STARD9: variants seen among roughly 807,000 people sequenced by gnomAD.
The protein encoded by STARD9 is stAR-related lipid transfer protein 9.
STARD9 carries 346 observed loss-of-function variants against 399.8 expected under a neutral mutation model. That is an observed-to-expected ratio of 0.87 (90% CI 0.79 to 0.95). The LOEUF (loss-of-function observed/expected upper bound fraction) is 0.95. Among genes scored for constraint, STARD9 ranks in the 40% least tolerant of loss-of-function variants. STARD9 has a pLI of 0.00. For synonymous variants in STARD9, 2,203 were observed against 2,143.5 expected (o/e 1.03, Z -0.77); for missense variants, 5,832 against 5,667.5 (o/e 1.03, Z -0.93).
chr15:42,669,448 C>G (rs1020854815), intron 16 of STARD9, 111 bp downstream of exon 16: 2 of 995,814 alleles, frequency 2.0e-6, no homozygotes, highest in Non-Finnish European at 2.8e-6. Context: ...AAGACAGATG[C>G]TACAGAGCTG....
At chr15:42,694,405 G>A in intron 23 of STARD9, 63 bp downstream of exon 23, 2 of 1,532,258 alleles carry the variant, frequency 1.3e-6, no homozygotes, top group Non-Finnish European at 1.7e-6. Flanking sequence ...GAGAACCCAA[G>A]AAAGCTAATA....
At chr15:42,635,574 C>T (rs1033524955) in intron 4 of STARD9, among the ~76,000 whole-genome samples, 3 of 152,034 alleles carry the variant, frequency 2.0e-5, no homozygotes, top group Admixed American at 6.6e-5. Flanking sequence ...CGTGATCTGC[C>T]CGCCTCGGCC....
chr15:42,643,517 A>G (rs565233720), intron 7 of STARD9, among the ~76,000 whole-genome samples: 1 of 151,956 alleles, frequency 6.6e-6, no homozygotes, highest in Admixed American at 6.6e-5. Flanking sequence ...TTAAAAAAAA[A>G]CAGAGTCTCG....
chr15:42,664,197 C>T (rs1016937713), intron 13 of STARD9, among the ~76,000 whole-genome samples: 1 of 152,078 alleles, frequency 6.6e-6, no homozygotes, highest in African/African-American at 2.4e-5. Flanking sequence ...TAAGAAAGGT[C>T]ATTTATTTTT....
Position 42,684,844 on chromosome 15 carries a change from T to C in STARD9, c.3266T>C (p.Val1089Ala). ...GTCCCACTCACAGATTTCAGCCCAG[T>C]AATGGATCATTCAAGAGAAAAAGAC... ...TMVPLTDFSP[V>A]MDHSREKDND... The change falls in exon 23 of 33, where the codon GTA (valine) becomes GCA (alanine). Residue 1089 changes from valine (V) to alanine (A), a missense_variant. Transcript: ENST00000290607. 12 of 1,537,142 alleles carry C rather than the reference T, an allele frequency of 7.8e-6. No homozygotes were observed. Among genetic ancestry groups the C allele is most frequent in the Non-Finnish European group, 1.0e-5 (12 of 1,146,910 alleles).
At chr15:42,588,776 G>GTTTTTTTTTTTTTTTTTT (rs758570571) in intron 3 of STARD9, among the ~76,000 whole-genome samples, 1 of 38,414 alleles carries the variant, frequency 2.6e-5, no homozygotes, top group African/African-American at 1.2e-4. Context: ...TCTTCACAGC[G>GTTTTTTTTTTTTTTTTTT]TTTTTTTTTT....
chr15:42,583,462 A>G, intron 2 of STARD9, 47 bp downstream of exon 2: 1 of 1,383,322 alleles, frequency 7.2e-7, no homozygotes, highest in Admixed American at 2.0e-5. Context: ...AGGAGCTAAT[A>G]TTGTTACAGG....
At chr15:42,634,441 G>C (rs1273461210) in intron 3 of STARD9, among the ~76,000 whole-genome samples, 6 of 152,148 alleles carry the variant, frequency 3.9e-5, no homozygotes, top group African/African-American at 9.7e-5. Flanking sequence ...TCTTCAGTAT[G>C]GTATCCTAAG....
At position 42,692,195 on chromosome 15, in the gene STARD9, A is replaced by T; in HGVS notation, c.10617A>T (p.Ser3539=). 1 of 1,537,084 alleles carries T rather than the reference A, an allele frequency of 6.5e-7. No individual in the cohort carries two copies. Among genetic ancestry groups the T allele is most frequent in the Non-Finnish European group, 8.7e-7 (1 of 1,146,902 alleles). Residue 3539 remains serine, a synonymous_variant, in exon 23 of 33, where the codon TCA becomes TCT. Coordinates refer to ENST00000290607, the MANE Select transcript of STARD9 (RefSeq NM_020759.3). ...LSTYANICDL[S]TTHSSTENAQ... is the part of the protein sequence containing the mutation. ...CTTACGCCAATATTTGTGATCTGTC[A>T]ACCACACACAGCAGCACTGAGAATG... is the stretch of plus-strand genomic sequence containing the variant.
rs536329199 is a variant in STARD9 at position 42,699,381 on chromosome 15, T to C, written c.13284+3501T>C. On this transcript the variant is annotated intron_variant, in intron 26 of 32. Transcript: ENST00000290607. The stretch of plus-strand genomic sequence containing the variant: ...TGCTTTCTTCTTCTATGAGATCAAC[T>C]TTTTTCTTTTCTTTTTTTTTTTTTT... Among the ~76,000 whole-genome samples the C allele has an allele frequency of 2.7e-3, 397 of 148,478 alleles. 2 individuals carry two copies. Among genetic ancestry groups the C allele is most frequent in the African/African-American group, 9.7e-3 (379 of 38,882 alleles).
intron 3 of STARD9, among the ~76,000 whole-genome samples, chr15:42,628,099 A>G (rs951517405): frequency 9.2e-5 from 14 of 152,160 alleles, no homozygotes; most frequent in East Asian, 5.8e-4. Flanking sequence ...AGCATTCATT[A>G]TTGCCTGTCT....
In STARD9 at chr15:42,695,235, A is replaced by C; in HGVS notation, c.13058A>C (p.Glu4353Ala). The part of the protein sequence containing the change: ...YQQAHEEAKV[E>A]IARARDQLRE... ...CAGGCCCATGAGGAGGCCAAGGTGG[A>C]GATTGCCCGGGCCCGAGACCAACTG... Residue 4353 changes from glutamate (E) to alanine (A), a missense_variant, in exon 25 of 33, where the codon GAG becomes GCG. Physicochemically the swap from Glu to Ala is moderately radical, Grantham distance 107. This residue lies in a region of STARD9 where 5,828 missense variants were observed against 5,651.1 expected (regional missense o/e 1.03). Coordinates refer to ENST00000290607, the MANE Select transcript of STARD9 (RefSeq NM_020759.3). 1 of 1,537,174 alleles carries C rather than the reference A, an allele frequency of 6.5e-7. No homozygotes were observed. Among genetic ancestry groups the C allele is most frequent in the Non-Finnish European group, 8.7e-7 (1 of 1,146,866 alleles).
chr15:42,708,618 T>C (rs183573067), intron 26 of STARD9, among the ~76,000 whole-genome samples: 1 of 152,360 alleles, frequency 6.6e-6, no homozygotes, highest in East Asian at 1.9e-4. Flanking sequence ...TCTCAGTCTT[T>C]TCTTGCTTCG....
At chr15:42,611,780 C>G (rs2058855207) in intron 3 of STARD9, among the ~76,000 whole-genome samples, 1 of 152,110 alleles carries the variant, frequency 6.6e-6, no homozygotes, top group African/African-American at 2.4e-5. Context: ...CATTGTGGGT[C>G]ATTAAGGCTA....
intron 3 of STARD9, among the ~76,000 whole-genome samples, chr15:42,590,069 T>C (rs1388928445): frequency 6.8e-6 from 1 of 147,728 alleles, no homozygotes; most frequent in Admixed American, 6.9e-5. Context: ...TAAGTGATCC[T>C]CCCACCTCAG....
chr15:42,656,327 T>TAAAAAAAAAAAAAAAAA (rs869264641), intron 9 of STARD9, among the ~76,000 whole-genome samples: 2 of 35,340 alleles, frequency 5.7e-5, no homozygotes, highest in Non-Finnish European at 1.0e-4. Context: ...AGCCATCTCC[T>TAAAAAAAAAAAAAAAAA]AAAAAAAAAA....
intron 3 of STARD9, chr15:42,630,144 C>G (rs2059305539): frequency 6.6e-6 from 1 of 151,810 alleles, no homozygotes; most frequent in Admixed American, 6.6e-5. Flanking sequence ...GCTGGGACTA[C>G]AGGTGCGTGC....
intron 3 of STARD9, among the ~76,000 whole-genome samples, 182 bp downstream of exon 3, chr15:42,585,819 C>T (rs769200980): frequency 2.0e-5 from 3 of 152,140 alleles, no homozygotes; most frequent in Non-Finnish European, 4.4e-5. Flanking sequence ...GAAGAAACTT[C>T]AATACATCAA....
Position 42,692,129 on chromosome 15 carries a change from C to A in STARD9, c.10551C>A (p.Gly3517=). The A allele has an allele frequency of 6.5e-7, 1 of 1,537,148 alleles. No homozygotes were observed. Among genetic ancestry groups the A allele is most frequent in the South Asian group, 1.2e-5 (1 of 84,052 alleles). ...NVARCSSMDN[G]LEDQNSPFHS... ...CCCGGTGCTCCAGCATGGACAATGG[C>A]CTAGAAGACCAGAACTCCCCTTTCC... Residue 3517 remains glycine (G), a synonymous_variant, in exon 23 of 33, where the codon GGC becomes GGA. Transcript: ENST00000290607.
Sources: gnomAD v4.1 joint callset for allele counts (sites outside exome capture counted in the v4.1 genomes callset) on GRCh38, gnomAD v4.1.1 for gene constraint, gnomAD v4.1.1 regional missense constraint, MANE v1.5 for transcripts, NCBI Gene and HGNC (gene_info 2026-07-23, HGNC 2026-07-21) for gene names.